PTPN21: variants seen among roughly 807,000 people sequenced by gnomAD.
PTPN21 encodes protein tyrosine phosphatase non-receptor type 21, also known as tyrosine-protein phosphatase non-receptor type 21.
Under a neutral mutation model 131.8 loss-of-function variants are expected in PTPN21, and 77 were observed. That is an observed-to-expected ratio of 0.58 (90% CI 0.49 to 0.71). PTPN21 has a LOEUF of 0.71. Among genes scored for constraint, PTPN21 ranks in the 30% least tolerant of loss-of-function variants. The pLI, the probability that PTPN21 is intolerant of heterozygous loss-of-function variation, is 0.00. For synonymous variants in PTPN21, 715 were observed against 621.3 expected, an observed-to-expected ratio of 1.15 and a Z score of -2.24; for missense variants, 1,552 against 1,527.1, an observed-to-expected ratio of 1.02 and a Z score of -0.27.
rs1321469830 is a variant in PTPN21 at position 88,550,234 on chromosome 14, T to C, written c.180+4A>G. On this transcript the variant is annotated splice_donor_region_variant and intron_variant, in intron 2 of 18. Coordinates refer to ENST00000556564, the MANE Select transcript of PTPN21 (RefSeq NM_007039.4). ...CTGGCCTGCAGTGTCTTTAGGTGGC[T>C]TACCTCCCGCAGCTCCAGCCTCTGG... 2.5e-6 allele frequency: 4 copies of C among 1,612,382 alleles called. No individual in the cohort carries two copies. Among genetic ancestry groups the C allele is most frequent in the Admixed American group, 1.7e-5 (1 of 59,792 alleles).
At chr14:88,511,838 G>C (rs1399917022) in intron 3 of PTPN21, among the ~76,000 whole-genome samples, 2 of 152,122 alleles carry the variant, frequency 1.3e-5, no homozygotes, top group Non-Finnish European at 2.9e-5. Flanking sequence ...AAATCTTTAT[G>C]AAGTTACTGA....
At chr14:88,480,574 T>C (rs1031365487) in intron 12 of PTPN21, among the ~76,000 whole-genome samples, 3 of 152,112 alleles carry the variant, frequency 2.0e-5, no homozygotes, top group Non-Finnish European at 4.4e-5. Flanking sequence ...GTGGCATTCA[T>C]TGGGTGACAA....
intron 11 of PTPN21, among the ~76,000 whole-genome samples, chr14:88,485,560 CTTAATA>C (rs1405044023): frequency 5.3e-5 from 8 of 151,914 alleles, no homozygotes; most frequent in Admixed American, 4.6e-4. Flanking sequence ...AGTCTAAGTT[CTTAATA>C]TTAAGGTCAG....
intron 2 of PTPN21, among the ~76,000 whole-genome samples, chr14:88,538,717 T>C (rs1296248587): frequency 6.6e-6 from 1 of 152,214 alleles, no homozygotes; most frequent in Admixed American, 6.5e-5. Context: ...TCAAAGGTTA[T>C]AAACCAGGAA....
At chr14:88,478,878 C>T (rs945249346) in intron 13 of PTPN21, 42 bp downstream of exon 13, 3 of 1,342,890 alleles carry the variant, frequency 2.2e-6, no homozygotes, top group Non-Finnish European at 2.9e-6. Flanking sequence ...CCAGGGCGAA[C>T]GCGCGGTCCC....
rs756414839 is a variant in PTPN21 at position 88,479,042 on chromosome 14, A to C, written c.2389T>G (p.Ser797Ala). Residue 797 changes from serine to alanine, a missense_variant, in exon 13 of 19, where the codon TCG (serine) becomes GCG (alanine). By Grantham distance (99) the Ser-to-Ala change is moderately conservative (BLOSUM62 1). Around this residue, in one of 4 missense-constraint regions of PTPN21, gnomAD observed 1,016 missense variants for 883.5 expected, o/e 1.15. Coordinates refer to ENST00000556564, the MANE Select transcript of PTPN21 (RefSeq NM_007039.4). The stretch of plus-strand genomic sequence containing the variant: ...CCTGACGTGGTGAGGTCGGACTCCG[A>C]CATGGAGGGCATCAGCAGCCCGTCT... ...WRDGLLMPSM[S>A]ESDLTTSGRY... 2 of 1,607,332 alleles carry C rather than the reference A, an allele frequency of 1.2e-6. No homozygotes were observed. The highest frequency in any genetic ancestry group is 8.5e-7 in the Non-Finnish European group (1 of 1,177,610).
At chr14:88,554,367 C>T (rs996583168) in intron 1 of PTPN21, among the ~76,000 whole-genome samples, 11 of 152,218 alleles carry the variant, frequency 7.2e-5, no homozygotes, top group Non-Finnish European at 1.5e-5. Context: ...ACAAATATGC[C>T]TAACACATTT....
At chr14:88,490,012 CTT>C (rs757640728) in intron 10 of PTPN21, among the ~76,000 whole-genome samples, 10 of 142,902 alleles carry the variant, frequency 7.0e-5, no homozygotes, top group Non-Finnish European at 4.6e-5. Flanking sequence ...GTGTGGTTTT[CTT>C]TTTTTTTTTT....
In PTPN21 at chr14:88,496,447, G is replaced by A. The variant is rs776103870; in HGVS notation, c.898C>T (p.Arg300Ter). The change falls in exon 10 of 19, where the codon CGA becomes TGA. Residue 300 changes from arginine (R) to a stop codon, truncating the protein, a stop_gained. Coordinates refer to ENST00000556564, the MANE Select transcript of PTPN21 (RefSeq NM_007039.4). LOFTEE classifies it high-confidence loss of function. ...AKYIWRLCVA[R>*]HKFYRLNQCN... ...TGGTTTAGTCTGTAAAACTTGTGTC[G>A]CGCAACACAGAGTCTCCAAATGTAT... 21 of 1,613,800 alleles carry A rather than the reference G, an allele frequency of 1.3e-5. No homozygotes were observed. The highest frequency in any genetic ancestry group is 1.7e-4 in the Middle Eastern group (1 of 6,056).
intron 3 of PTPN21, among the ~76,000 whole-genome samples, chr14:88,510,606 C>T (rs11847417): frequency 0.35 from 52,783 of 151,922 alleles, 9,748 homozygotes; most frequent in African/African-American, 0.48. Flanking sequence ...ACACAATGGT[C>T]GAGAGCAAGG....
intron 1 of PTPN21, among the ~76,000 whole-genome samples, chr14:88,550,969 G>A (rs1365226609): frequency 7.2e-5 from 11 of 152,106 alleles, no homozygotes. Flanking sequence ...AACTCTTTCA[G>A]GTTGTAATAC....
chr14:88,487,822 CA>C (rs1357463441), intron 10 of PTPN21, among the ~76,000 whole-genome samples: 1 of 151,998 alleles, frequency 6.6e-6, no homozygotes, highest in Non-Finnish European at 1.5e-5. Flanking sequence ...ACAAATTAGC[CA>C]GGCGCGGTGG....
intron 2 of PTPN21, among the ~76,000 whole-genome samples, chr14:88,549,320 C>T (rs939782627): frequency 1.3e-5 from 2 of 152,122 alleles, no homozygotes; most frequent in Non-Finnish European, 2.9e-5. Flanking sequence ...TCAGGATGAC[C>T]TTTGGGGGTA....
At chr14:88,492,413 C>A (rs1046713021) in intron 10 of PTPN21, among the ~76,000 whole-genome samples, 1 of 152,146 alleles carries the variant, frequency 6.6e-6, no homozygotes, top group African/African-American at 2.4e-5. Flanking sequence ...TACACCCAGG[C>A]CCCTAGCAGA....
rs182095616 is a variant in PTPN21 at position 88,466,157 on chromosome 14, T to A, written c.*1980A>T. 1 of 152,276 alleles carries A rather than the reference T, an allele frequency of 6.6e-6. No individual in the cohort carries two copies. The highest frequency in any genetic ancestry group is 2.4e-5 in the African/African-American group (1 of 41,552). 9.4% of individuals were successfully genotyped at this position (152,276 alleles called of 1,614,324 possible). A position where few individuals can be genotyped will look rare whatever the true frequency, so the allele number is the denominator to read the frequency against. On this transcript the variant is annotated 3_prime_UTR_variant, in exon 19 of 19. Transcript: ENST00000556564. ...TTCTTATTCCTTTCTTCTAAGGAGC[T>A]CGTTCTGAATATTTTCACTTAGTTC... is the stretch of plus-strand genomic sequence containing the variant.
chr14:88,468,796 A>G, intron 18 of PTPN21, 120 bp downstream of exon 18: 2 of 1,268,542 alleles, frequency 1.6e-6, no homozygotes, highest in Non-Finnish European at 2.2e-6. Context: ...CATTAGTAAC[A>G]TCTTGAGGCC....
At chr14:88,516,827 A>T (rs1378317071) in intron 3 of PTPN21, among the ~76,000 whole-genome samples, 1 of 152,238 alleles carries the variant, frequency 6.6e-6, no homozygotes, top group Non-Finnish European at 1.5e-5. Context: ...TAAAGGTAAC[A>T]TCACTACAAG....
chr14:88,485,154 G>C lies in PTPN21; in HGVS notation c.1000C>G (p.Pro334Ala), dbSNP rs745672497. The C allele has an allele frequency of 6.3e-7, 1 of 1,587,168 alleles. No individual in the cohort carries two copies. Among genetic ancestry groups the C allele is most frequent in the Admixed American group, 1.7e-5 (1 of 58,290 alleles). Residue 334 changes from proline (P) to alanine (A), a missense_variant, in exon 12 of 19, where the codon CCC (proline) becomes GCC (alanine). Pro to Ala is a conservative substitution (Grantham distance 27). Coordinates refer to ENST00000556564, the MANE Select transcript of PTPN21 (RefSeq NM_007039.4). ...GGGGGAGGCATCACGTAGGGCTGGG[G>C]TTTAGGCTAAGAAATGGAGAGTTTG... is the stretch of plus-strand genomic sequence containing the variant. The part of the protein sequence containing the change: ...RSSSRMSLPK[P>A]QPYVMPPPPQ...
intron 2 of PTPN21, among the ~76,000 whole-genome samples, chr14:88,518,175 T>G (rs1287401819): frequency 7.9e-6 from 1 of 126,618 alleles, no homozygotes; most frequent in Non-Finnish European, 1.6e-5. Context: ...TTTTTGCTGT[T>G]GTTCTTCTGG....
Sources: allele counts gnomAD v4.1 joint callset (sites outside exome capture counted in the v4.1 genomes callset), GRCh38; gene constraint gnomAD v4.1.1; regional missense constraint gnomAD v4.1.1; transcripts MANE v1.5; gene names NCBI Gene and HGNC (gene_info 2026-07-23, HGNC 2026-07-21).